SHPRH: variants seen among roughly 807,000 people sequenced by gnomAD.
SHPRH encodes the protein SNF2 histone linker PHD RING helicase, also known as E3 ubiquitin-protein ligase SHPRH.
Under a neutral mutation model 202.5 loss-of-function variants are expected in SHPRH, and 106 were observed. That is an observed-to-expected ratio of 0.52 (90% CI 0.45 to 0.62). The LOEUF (loss-of-function observed/expected upper bound fraction) is 0.62, where lower values mean the gene tolerates loss of function less well. SHPRH is among the 20% of genes least tolerant of loss of function. The pLI, the probability that SHPRH is intolerant of heterozygous loss-of-function variation, is 0.00. For missense variants in SHPRH, 1,710 were observed against 2,020.0 expected, an observed-to-expected ratio of 0.85 and a Z score of 2.94; for synonymous variants, 729 against 686.0, an observed-to-expected ratio of 1.06 and a Z score of -0.98.
At chr6:145,909,104 T>C (rs1464710259) in intron 25 of SHPRH, 1 of 152,132 alleles carries the variant, frequency 6.6e-6, no homozygotes, top group Non-Finnish European at 1.5e-5. Context: ...TTCGCCTATA[T>C]GTCTGTTTTG....
rs1442663433 is a variant in SHPRH at position 145,934,991 on chromosome 6, G to C, written c.2906C>G (p.Ser969Cys). Residue 969 changes from serine to cysteine, a missense_variant, in exon 13 of 30, where the codon TCT (serine) becomes TGT (cysteine). Transcript: ENST00000275233. ...LSSLDRRTVT[S>C]ILYPLLRLRQ... is the part of the protein sequence containing the mutation. ...GAGCCTCAGCAATGGATACAGGATA[G>C]AGGTGACAGTCCTTCTGTCTAGGCT... The C allele has an allele frequency of 6.2e-7, 1 of 1,614,076 alleles. No homozygotes were observed. The highest frequency in any genetic ancestry group is 8.5e-7 in the Non-Finnish European group (1 of 1,179,994).
rs141873928 is a variant in SHPRH at position 145,872,067 on chromosome 6, A to C, written c.222-7576T>G. ...AACTCAAGATGGATTAAAGACTTAC[A>C]TGTAAAACCCCAAACTATAAAAACA... On this transcript the variant is annotated intron_variant, in intron 2 of 2. Transcript: ENST00000417762. Among the ~76,000 whole-genome samples the C allele has an allele frequency of 3.0e-4, 45 of 152,328 alleles. 1 individual carries two copies. The East Asian group carries it at 8.3e-3, about 28-fold the overall frequency.
At chr6:145,863,928 G>C (rs558574862), downstream of SHPRH, among the ~76,000 whole-genome samples, 1 of 152,198 alleles carries the variant, frequency 6.6e-6, no homozygotes, top group African/African-American at 2.4e-5. Context: ...CTAGCAAATT[G>C]TTGCTAAATA....
chr6:145,867,613 TATATATATATATATATATAGAG>T (rs1779838470), intron 2 of SHPRH, among the ~76,000 whole-genome samples: 1 of 63,612 alleles, frequency 1.6e-5, no homozygotes, highest in African/African-American at 7.6e-5. Context: ...TATATATATA[TATATATATATATATATATAGAG>T]AGAGAGAGAG....
chr6:145,884,170 T>C (rs1282872278), downstream of SHPRH: 2 of 133,822 alleles, frequency 1.5e-5, no homozygotes, highest in Non-Finnish European at 3.4e-5. Flanking sequence ...AAAGTATTAG[T>C]AGTTGCATGT....
At chr6:145,949,260 A>C (rs1392601350) in intron 4 of SHPRH, among the ~76,000 whole-genome samples, 1 of 152,082 alleles carries the variant, frequency 6.6e-6, no homozygotes, top group East Asian at 1.9e-4. Flanking sequence ...ACCCATGCTT[A>C]CATGTTTATT....
At chr6:145,947,698 T>C (rs1288674263) in intron 5 of SHPRH, 55 bp from the exon 6 acceptor site, 4 of 1,584,114 alleles carry the variant, frequency 2.5e-6, no homozygotes, top group East Asian at 4.5e-5. Context: ...CAAATTACAA[T>C]GTTCCTAATT....
chr6:145,950,869 C>T (rs536295398), intron 3 of SHPRH, among the ~76,000 whole-genome samples: 16 of 151,658 alleles, frequency 1.1e-4, no homozygotes, highest in South Asian at 8.3e-4. Flanking sequence ...GTAGCTGACA[C>T]GTGTATTGTC....
At chr6:145,928,997 A>T (rs956732117) in intron 14 of SHPRH, among the ~76,000 whole-genome samples, 7 of 151,950 alleles carry the variant, frequency 4.6e-5, no homozygotes, top group Admixed American at 2.6e-4. Flanking sequence ...TATTTATACT[A>T]CCATTTGTAG....
chr6:145,885,249 T>C lies in SHPRH; in HGVS notation c.*1442A>G, dbSNP rs1373667678. The C allele has an allele frequency of 6.6e-6, 1 of 152,308 alleles. No homozygotes were observed. The allele number at this position is 152,308 out of a possible 1,614,324, so 9.4% of individuals were successfully genotyped here. A position where few individuals can be genotyped will look rare whatever the true frequency, so the allele number is the denominator to read the frequency against. On this transcript the variant is annotated 3_prime_UTR_variant, in exon 30 of 30. Coordinates refer to ENST00000275233, the MANE Select transcript of SHPRH (RefSeq NM_001042683.3). ...AAATGTACATGAAAGCTCTTTTTAA[T>C]ATGTGAAGAGCTATAAAAATAACAG...
intron 2 of SHPRH, 126 bp downstream of exon 2, chr6:145,954,564 G>C: frequency 1.0e-6 from 1 of 975,268 alleles, no homozygotes; most frequent in Non-Finnish European, 1.5e-6. Context: ...AAAGCTTAAA[G>C]TGTACTTTGA....
At chr6:145,911,534 G>GT (rs1783494417) in intron 24 of SHPRH, among the ~76,000 whole-genome samples, 2 of 152,118 alleles carry the variant, frequency 1.3e-5, no homozygotes, top group Admixed American at 6.6e-5. Context: ...AACGAGAGAC[G>GT]TAAGAACAAT....
chr6:145,932,285 T>G (rs374486314), intron 14 of SHPRH, among the ~76,000 whole-genome samples: 1 of 152,170 alleles, frequency 6.6e-6, no homozygotes, highest in African/African-American at 2.4e-5. Flanking sequence ...CCAGCCAAGA[T>G]AGAGTAACAG....
rs11421576 is a variant in SHPRH, at chr6:145,886,366, G to GT, written c.*324dup. ...ACTAGTTTACTTTCTTATTCCAACTGTTTTATGAGTGATCTTATCATAAGA... is the reference window on the plus strand; with the variant it reads ...ACTAGTTTACTTTCTTATTCCAACTGTTTTTATGAGTGATCTTATCATAAGA... On this transcript the variant is annotated 3_prime_UTR_variant, in exon 30 of 30. Transcript: ENST00000275233. 279,746 of 679,352 alleles carry GT rather than the reference G, an allele frequency of 0.41. 59,978 individuals carry two copies. Among genetic ancestry groups the GT allele is most frequent in the African/African-American group, 0.55 (30,748 of 56,392 alleles). 42.1% of individuals were successfully genotyped at this position (679,352 alleles called of 1,614,324 possible). A position where few individuals can be genotyped will look rare whatever the true frequency, so the allele number is the denominator to read the frequency against.
At chr6:145,932,478 A>G (rs1582743372) in intron 14 of SHPRH, among the ~76,000 whole-genome samples, 3 of 151,784 alleles carry the variant, frequency 2.0e-5, no homozygotes, top group Admixed American at 6.6e-5. Flanking sequence ...TGCATAATAT[A>G]TAACACTATA....
intron 25 of SHPRH, among the ~76,000 whole-genome samples, chr6:145,895,348 A>C (rs1781922640): frequency 6.6e-6 from 1 of 152,076 alleles, no homozygotes; most frequent in Admixed American, 6.6e-5. Context: ...CCCTTTCTTC[A>C]GATATTATGT....
chr6:145,880,425 T>A (rs1780508172), downstream of SHPRH, among the ~76,000 whole-genome samples: 1 of 152,016 alleles, frequency 6.6e-6, no homozygotes, highest in Non-Finnish European at 1.5e-5. Flanking sequence ...GCCCAGGAGT[T>A]TGAGACCAGC....
chr6:145,863,794 C>T (rs1031398264), downstream of SHPRH, among the ~76,000 whole-genome samples: 8 of 152,186 alleles, frequency 5.3e-5, no homozygotes, highest in African/African-American at 1.7e-4. Flanking sequence ...TCACAAGCAG[C>T]ATCTTCTGGC....
chr6:145,916,626 G>C (rs1783977127), intron 23 of SHPRH, among the ~76,000 whole-genome samples: 1 of 151,974 alleles, frequency 6.6e-6, no homozygotes. Context: ...TTCTTAGGTA[G>C]AATATTTATA....
Sources: gnomAD v4.1 joint callset for allele counts (sites outside exome capture counted in the v4.1 genomes callset) on GRCh38, gnomAD v4.1.1 for gene constraint, MANE v1.5 for transcripts, NCBI Gene and HGNC (gene_info 2026-07-23, HGNC 2026-07-21) for gene names.